Variants in WWOX observed in about 807,000 individuals in gnomAD.
WWOX encodes WW domain containing oxidoreductase, also known as WW domain-containing oxidoreductase.
In WWOX, 69 loss-of-function variants were observed where a neutral mutation model predicts 46.2. The observed-to-expected ratio is 1.49, with a 90% CI of 1.23 to 1.82. The LOEUF (loss-of-function observed/expected upper bound fraction) is 1.82. Ranked by LOEUF, WWOX falls within the 40% of genes most tolerant of loss-of-function variation. WWOX has a pLI of 0.00. For synonymous variants in WWOX, 359 were observed against 202.6 expected (o/e 1.77, Z -6.56); for missense variants, 919 against 542.6 (o/e 1.69, Z -6.89).
chr16:78,866,201 C>G (rs1338199380), intron 8 of WWOX, among the ~76,000 whole-genome samples: 1 of 152,120 alleles, frequency 6.6e-6, no homozygotes, highest in Non-Finnish European at 1.5e-5. Flanking sequence ...ACCGAAGAAT[C>G]CTTCTGCCAG....
intron 5 of WWOX, among the ~76,000 whole-genome samples, chr16:78,212,835 C>T (rs1308143023): frequency 2.0e-5 from 3 of 152,112 alleles, no homozygotes; most frequent in African/African-American, 7.2e-5. Flanking sequence ...TGGCTTTTCT[C>T]AGGCCAGCTG....
chr16:78,457,286 C>G (rs1263886361), intron 8 of WWOX, among the ~76,000 whole-genome samples: 1 of 152,156 alleles, frequency 6.6e-6, no homozygotes. Flanking sequence ...TTCCATTGCA[C>G]GACTTTAAAT....
chr16:78,916,818 A>G (rs1442626311), intron 8 of WWOX, among the ~76,000 whole-genome samples: 2 of 152,234 alleles, frequency 1.3e-5, no homozygotes, highest in African/African-American at 4.8e-5. Flanking sequence ...TTTCTGCTGT[A>G]TGAAGTTGCC....
At chr16:79,138,341 G>A (rs183960602) in intron 8 of WWOX, among the ~76,000 whole-genome samples, 156 of 152,308 alleles carry the variant, frequency 1.0e-3, no homozygotes, top group Admixed American at 1.4e-3. Flanking sequence ...CAACTTGGGA[G>A]TCCCTTAGTG....
intron 8 of WWOX, among the ~76,000 whole-genome samples, chr16:78,517,103 G>A (rs2043250367): frequency 6.6e-6 from 1 of 151,954 alleles, no homozygotes; most frequent in East Asian, 1.9e-4. Flanking sequence ...ATGAAATCGG[G>A]GCAGCCATCC....
At chr16:78,465,758 A>C (rs573327094) in intron 8 of WWOX, among the ~76,000 whole-genome samples, 2 of 152,214 alleles carry the variant, frequency 1.3e-5, no homozygotes, top group South Asian at 2.1e-4. Flanking sequence ...CCAGTAGTGT[A>C]ATCACCTTAT....
intron 8 of WWOX, among the ~76,000 whole-genome samples, chr16:79,082,543 T>C (rs373641354): frequency 9.0e-4 from 137 of 152,294 alleles, no homozygotes; most frequent in African/African-American, 3.2e-3. Context: ...TCTTGGTCCA[T>C]CTTCATGGGT....
chr16:78,335,169 G>A (rs988808055), intron 5 of WWOX, among the ~76,000 whole-genome samples: 4 of 152,168 alleles, frequency 2.6e-5, no homozygotes, highest in African/African-American at 9.7e-5. Context: ...TGTGTAAGAT[G>A]TGCAAGTTTG....
intron 8 of WWOX, among the ~76,000 whole-genome samples, chr16:78,883,727 AAAAAAAAAG>A (rs1262151902): frequency 1.3e-5 from 2 of 151,414 alleles, no homozygotes; most frequent in East Asian, 3.9e-4. Context: ...CTGTCTCAAA[AAAAAAAAAG>A]AAAAAAAAAG....
chr16:78,765,161 C>A (rs1050499179), intron 8 of WWOX, among the ~76,000 whole-genome samples: 2 of 152,102 alleles, frequency 1.3e-5, no homozygotes, highest in Admixed American at 1.3e-4. Flanking sequence ...CACAGTGGCC[C>A]CACAGTGTGG....
chr16:78,782,679 T>G (rs1404589676), intron 8 of WWOX, among the ~76,000 whole-genome samples: 1 of 151,388 alleles, frequency 6.6e-6, no homozygotes, highest in Non-Finnish European at 1.5e-5. Context: ...TTTTTTTTTT[T>G]TTTTGCATTT....
At chr16:78,356,449 C>T (rs777287373) in intron 5 of WWOX, among the ~76,000 whole-genome samples, 5 of 152,254 alleles carry the variant, frequency 3.3e-5, no homozygotes, top group Non-Finnish European at 5.9e-5. Flanking sequence ...AGTCCCCAGG[C>T]AGGAAGGAAG....
chr16:78,785,003 G>C (rs908560843), intron 8 of WWOX, among the ~76,000 whole-genome samples: 15 of 152,292 alleles, frequency 9.8e-5, no homozygotes, highest in African/African-American at 3.6e-4. Context: ...CATGAAACCA[G>C]CTCGTAGGTG....
chr16:79,069,920 A>G (rs1258453070), intron 8 of WWOX, among the ~76,000 whole-genome samples: 2 of 152,216 alleles, frequency 1.3e-5, no homozygotes, highest in African/African-American at 4.8e-5. Context: ...TCTATGACCA[A>G]AAAGTTACCC....
intron 8 of WWOX, among the ~76,000 whole-genome samples, chr16:78,802,028 C>G (rs986677860): frequency 2.0e-5 from 3 of 151,974 alleles, no homozygotes; most frequent in Non-Finnish European, 4.4e-5. Flanking sequence ...GGCTGGTGTA[C>G]CATGGTGGCT....
intron 8 of WWOX, among the ~76,000 whole-genome samples, chr16:78,666,416 C>A (rs1440057861): frequency 2.0e-5 from 3 of 152,182 alleles, no homozygotes; most frequent in Admixed American, 1.3e-4. Flanking sequence ...TCAGAACAAC[C>A]CAAGCCCCAG....
intron 8 of WWOX, among the ~76,000 whole-genome samples, chr16:78,851,701 A>T (rs2052448191): frequency 6.6e-6 from 1 of 152,232 alleles, no homozygotes; most frequent in Non-Finnish European, 1.5e-5. Flanking sequence ...GACTCCAAAT[A>T]TAAAACAATT....
At chr16:78,724,649 C>T (rs532766480) in intron 8 of WWOX, among the ~76,000 whole-genome samples, 34 of 152,256 alleles carry the variant, frequency 2.2e-4, no homozygotes, top group African/African-American at 7.9e-4. Flanking sequence ...AAAACATTTC[C>T]ATGCAATTCC....
intron 8 of WWOX, among the ~76,000 whole-genome samples, chr16:79,175,941 C>G (rs2050791807): frequency 6.6e-6 from 1 of 152,144 alleles, no homozygotes; most frequent in Admixed American, 6.5e-5. Flanking sequence ...AGTTCCATTC[C>G]TGCCTCCACC....
Sources: gnomAD v4.1 joint callset for allele counts (sites outside exome capture counted in the v4.1 genomes callset) on GRCh38, gnomAD v4.1.1 for gene constraint, MANE v1.5 for transcripts, NCBI Gene and HGNC (gene_info 2026-07-23, HGNC 2026-07-21) for gene names.